CDH13: variants seen among roughly 807,000 people sequenced by gnomAD.
The protein encoded by CDH13 is cadherin-13.
In CDH13, 24 loss-of-function variants were observed where a neutral mutation model predicts 63.8. That is an observed-to-expected ratio of 0.38 (90% CI 0.27 to 0.53). The LOEUF (loss-of-function observed/expected upper bound fraction) is 0.53, where lower values mean the gene tolerates loss of function less well. CDH13 is among the 20% of genes least tolerant of loss of function. The probability of loss-of-function intolerance (pLI) is 0.85; values close to 1 mark genes in which losing one functional copy is unlikely to be tolerated. For synonymous variants in CDH13, 503 were observed against 355.3 expected (o/e 1.42, Z -4.67); for missense variants, 1,049 against 903.1 (o/e 1.16, Z -2.07).
chr16:82,866,377 C>CTTTTTTTTTTTTTTTTTTTTTTT (rs538206338), intron 2 of CDH13, among the ~76,000 whole-genome samples: 4 of 58,300 alleles, frequency 6.9e-5, no homozygotes, highest in Non-Finnish European at 8.7e-5. Context: ...TTTTCTTCTT[C>CTTTTTTTTTTTTTTTTTTTTTTT]TTTTTTTTTT....
chr16:82,805,535 G>C lies in CDH13; in HGVS notation c.46-52827G>C, dbSNP rs139471250. Among the ~76,000 whole-genome samples the C allele has an allele frequency of 1.6e-3, 238 of 152,240 alleles. 2 individuals carry two copies. Among genetic ancestry groups the C allele is most frequent in the Admixed American group, 0.015 (224 of 15,268 alleles). ...AGTTCGGGGGCCTATATGGAACTGC[G>C]GGCAGGGCCAATGACAGATAGTTGA... On this transcript the variant is annotated intron_variant, in intron 1 of 13. Coordinates refer to ENST00000567109, the MANE Select transcript of CDH13 (RefSeq NM_001257.5).
chr16:82,858,507 C>G (rs763499054), intron 2 of CDH13, 34 bp downstream of exon 2: 1 of 1,241,050 alleles, frequency 8.1e-7, no homozygotes, highest in Non-Finnish European at 1.2e-6. Context: ...CTTTTAGACT[C>G]TTCTCATATT....
intron 5 of CDH13, among the ~76,000 whole-genome samples, chr16:83,304,552 A>C (rs2089829433): frequency 1.3e-5 from 2 of 152,236 alleles, no homozygotes; most frequent in Non-Finnish European, 2.9e-5. Flanking sequence ...CAGAATGACT[A>C]TCAAATAATA....
At chr16:83,380,133 G>C (rs991411425) in intron 6 of CDH13, among the ~76,000 whole-genome samples, 1 of 151,970 alleles carries the variant, frequency 6.6e-6, no homozygotes, top group African/African-American at 2.4e-5. Context: ...GATGAGAGTG[G>C]TTGTCATTGG....
intron 6 of CDH13, among the ~76,000 whole-genome samples, chr16:83,374,688 C>A (rs1462182180): frequency 6.6e-6 from 1 of 152,194 alleles, no homozygotes; most frequent in Non-Finnish European, 1.5e-5. Flanking sequence ...CCTCCATTAG[C>A]ATTTGTTATT....
intron 6 of CDH13, among the ~76,000 whole-genome samples, chr16:83,385,974 G>C (rs949303025): frequency 6.6e-6 from 1 of 152,176 alleles, no homozygotes; most frequent in African/African-American, 2.4e-5. Flanking sequence ...ACCATAGCCA[G>C]CCCTATATTC....
At chr16:83,608,094 C>T (rs1451677359) in intron 8 of CDH13, among the ~76,000 whole-genome samples, 1 of 152,122 alleles carries the variant, frequency 6.6e-6, no homozygotes, top group Admixed American at 6.5e-5. Context: ...TTTCAAATTT[C>T]ATTTTCCAGT....
intron 7 of CDH13, among the ~76,000 whole-genome samples, chr16:83,548,031 T>C (rs948938629): frequency 6.6e-6 from 1 of 152,036 alleles, no homozygotes; most frequent in Admixed American, 6.5e-5. Flanking sequence ...GGGGAGATGA[T>C]ATATGCAGAG....
intron 4 of CDH13, among the ~76,000 whole-genome samples, chr16:83,181,696 T>C (rs1405053974): frequency 6.6e-6 from 1 of 152,150 alleles, no homozygotes; most frequent in African/African-American, 2.4e-5. Flanking sequence ...GGGACAGAGC[T>C]TCTTAACCTG....
At chr16:83,049,479 T>C (rs1023183161) in intron 3 of CDH13, among the ~76,000 whole-genome samples, 3 of 151,964 alleles carry the variant, frequency 2.0e-5, no homozygotes, top group South Asian at 4.2e-4. Context: ...GGACTACAGG[T>C]GCCCACCACC....
chr16:82,946,062 T>C (rs1904681077), intron 2 of CDH13, among the ~76,000 whole-genome samples: 1 of 152,118 alleles, frequency 6.6e-6, no homozygotes, highest in Admixed American at 6.6e-5. Flanking sequence ...CTCTTTCCCC[T>C]GATCAACTGA....
intron 2 of CDH13, among the ~76,000 whole-genome samples, chr16:82,928,461 C>G (rs1270597808): frequency 1.3e-5 from 2 of 152,136 alleles, no homozygotes; most frequent in African/African-American, 4.8e-5. Flanking sequence ...TATATTGCCA[C>G]CAGGAGCATT....
At chr16:82,839,290 T>C (rs929676449) in intron 1 of CDH13, among the ~76,000 whole-genome samples, 1 of 152,190 alleles carries the variant, frequency 6.6e-6, no homozygotes, top group Non-Finnish European at 1.5e-5. Context: ...TAGGCTTAGA[T>C]GTGGGAAAGG....
chr16:83,719,913 G>A (rs147917274), intron 10 of CDH13, among the ~76,000 whole-genome samples: 2 of 152,176 alleles, frequency 1.3e-5, no homozygotes, highest in East Asian at 1.9e-4. Flanking sequence ...CAGCATAGGG[G>A]ACAGTGGGGT....
At chr16:83,353,626 A>C (rs1384606432) in intron 6 of CDH13, among the ~76,000 whole-genome samples, 2 of 152,258 alleles carry the variant, frequency 1.3e-5, no homozygotes, top group Non-Finnish European at 2.9e-5. Flanking sequence ...CTAAATTCAC[A>C]CATGCATCTC....
At chr16:83,162,780 C>G (rs1293516864) in intron 4 of CDH13, among the ~76,000 whole-genome samples, 2 of 152,058 alleles carry the variant, frequency 1.3e-5, no homozygotes, top group African/African-American at 4.8e-5. Flanking sequence ...GTATTTGTGG[C>G]AAACTCCCCA....
intron 1 of CDH13, among the ~76,000 whole-genome samples, chr16:82,725,699 G>T (rs2033054857): frequency 6.6e-6 from 1 of 152,136 alleles, no homozygotes; most frequent in Non-Finnish European, 1.5e-5. Flanking sequence ...AAAGTTGTAT[G>T]CAGTGCCCCG....
chr16:83,563,364 C>G (rs1314319109), intron 7 of CDH13, among the ~76,000 whole-genome samples: 2 of 152,178 alleles, frequency 1.3e-5, no homozygotes, highest in Admixed American at 1.3e-4. Flanking sequence ...TTATTCACTT[C>G]AAACACAACA....
chr16:83,125,289 C>A, intron 3 of CDH13, 96 bp from the exon 4 acceptor site: 1 of 702,988 alleles, frequency 1.4e-6, no homozygotes, highest in South Asian at 1.7e-5. Context: ...TTCCAAACAG[C>A]TGTATGCTTT....
Sources: gnomAD v4.1 joint callset for allele counts (sites outside exome capture counted in the v4.1 genomes callset) on GRCh38, gnomAD v4.1.1 for gene constraint, MANE v1.5 for transcripts, NCBI Gene and HGNC (gene_info 2026-07-23, HGNC 2026-07-21) for gene names.